RREB1: variants seen among roughly 807,000 people sequenced by gnomAD.
RREB1 encodes ras-responsive element-binding protein 1.
RREB1 carries 27 observed loss-of-function variants against 117.8 expected under a neutral mutation model. The ratio of observed to expected loss-of-function variants is 0.23; its 90% CI spans 0.17 to 0.32. RREB1 has a LOEUF of 0.32. Ranked by LOEUF, RREB1 falls within the 10% of genes least tolerant of loss-of-function variation. The probability of loss-of-function intolerance (pLI) is 1.00; values close to 1 mark genes in which losing one functional copy is unlikely to be tolerated. For synonymous variants in RREB1, 1,298 were observed against 1,026.7 expected, an observed-to-expected ratio of 1.26 and a Z score of -5.05; for missense variants, 2,577 against 2,378.2, an observed-to-expected ratio of 1.08 and a Z score of -1.74.
chr6:7,175,240 C>T (rs930887903), intron 1 of RREB1, among the ~76,000 whole-genome samples: 1 of 152,022 alleles, frequency 6.6e-6, no homozygotes, highest in African/African-American at 2.4e-5. Flanking sequence ...TACAAGAGGG[C>T]AGGTCATGTG....
rs142817419 is a variant in RREB1 at position 7,204,430 on chromosome 6, C to T, written c.426-6374C>T. On this transcript the variant is annotated intron_variant, in intron 6 of 12. Coordinates refer to ENST00000379938, the MANE Select transcript of RREB1 (RefSeq NM_001003699.4). ...CCTAGGCATTTGTTAGGAAAACATA[C>T]ACACATCTTTCTAGAATCATACTTT... 2.3e-3 allele frequency among the ~76,000 whole-genome samples: 347 copies of T among 151,862 alleles called. 6 individuals carry two copies. The highest frequency in any genetic ancestry group is 0.015 in the Admixed American group (230 of 15,228).
chr6:7,149,115 G>A (rs756005108), intron 1 of RREB1, among the ~76,000 whole-genome samples: 20 of 152,250 alleles, frequency 1.3e-4, no homozygotes, highest in Middle Eastern at 3.4e-3. Context: ...TAGAGTCGGG[G>A]TTTCACCATA....
In RREB1 at chr6:7,135,370, T is replaced by TA. The variant is rs138969487; in HGVS notation, c.-285+27312dup. 4.5e-3 allele frequency among the ~76,000 whole-genome samples: 681 copies of TA among 152,334 alleles called. 6 individuals carry two copies. The highest frequency in any genetic ancestry group is 0.017 in the Middle Eastern group (5 of 294). On this transcript the variant is annotated intron_variant, in intron 1 of 12. Transcript: ENST00000379938. ...TAGGACCGTAAATCCAGGGAAATTCTAAGCATTCTGAAAGCTGCTTTTAGG... is the reference window on the plus strand; with the variant it reads ...TAGGACCGTAAATCCAGGGAAATTCTAAAGCATTCTGAAAGCTGCTTTTAGG...
At chr6:7,181,775 C>G (rs993751218) in intron 3 of RREB1, 95 bp from the exon 4 acceptor site, 2 of 865,130 alleles carry the variant, frequency 2.3e-6, no homozygotes, top group African/African-American at 3.4e-5. Flanking sequence ...TGTTTTTGAC[C>G]TGAATTACAA....
intron 6 of RREB1, among the ~76,000 whole-genome samples, chr6:7,203,880 C>T (rs755728195): frequency 2.6e-5 from 4 of 152,132 alleles, no homozygotes; most frequent in African/African-American, 7.2e-5. Context: ...TAGGAATAAA[C>T]GTCAGTATCA....
intron 1 of RREB1, among the ~76,000 whole-genome samples, chr6:7,164,544 C>G (rs17142815): frequency 0.028 from 4,276 of 152,320 alleles, 192 homozygotes; most frequent in African/African-American, 0.096. Context: ...GTCAGGAACT[C>G]TGTCCACTGG....
chr6:7,181,117 C>A lies in RREB1; in HGVS notation c.-165-7C>A. 2.5e-6 allele frequency: 1 copy of A among 398,394 alleles called. No individual in the cohort carries two copies. Among genetic ancestry groups the A allele is most frequent in the South Asian group, 1.3e-4 (1 of 7,832 alleles). 24.7% of individuals were successfully genotyped at this position (398,394 alleles called of 1,614,324 possible). ...ATGTTCACTTTGGGCCTTTGCTTCC[C>A]TTCCAGTGTCAACGAGTACTACCAA... is the stretch of plus-strand genomic sequence containing the variant. On this transcript the variant is annotated splice_region_variant and splice_polypyrimidine_tract_variant and intron_variant, in intron 2 of 12. Coordinates refer to ENST00000379938, the MANE Select transcript of RREB1 (RefSeq NM_001003699.4).
chr6:7,223,199 A>G (rs550413301), intron 8 of RREB1, among the ~76,000 whole-genome samples: 3 of 149,140 alleles, frequency 2.0e-5, no homozygotes, highest in East Asian at 2.0e-4. Context: ...CAAGGCTGCA[A>G]TGAGCTATGA....
intron 8 of RREB1, chr6:7,215,840 C>T (rs535480396): frequency 6.6e-6 from 1 of 152,290 alleles, no homozygotes; most frequent in South Asian, 2.1e-4. Flanking sequence ...CTTGGCTGCA[C>T]CACACCAGCC....
chr6:7,187,545 A>ATTTTC, intron 5 of RREB1, 22 bp downstream of exon 5: 1 of 452,318 alleles, frequency 2.2e-6, no homozygotes, highest in Non-Finnish European at 3.1e-6. Flanking sequence ...CTGTTCTTTT[A>ATTTTC]TTTTATTTTA....
At chr6:7,194,086 T>TCAG (rs1765549822) in intron 6 of RREB1, among the ~76,000 whole-genome samples, 1 of 152,206 alleles carries the variant, frequency 6.6e-6, no homozygotes, top group East Asian at 1.9e-4. Flanking sequence ...TGGGATAGTT[T>TCAG]TGGGGGCAGC....
chr6:7,143,755 C>T (rs540159748), intron 1 of RREB1, among the ~76,000 whole-genome samples: 1 of 152,164 alleles, frequency 6.6e-6, no homozygotes, highest in East Asian at 1.9e-4. Flanking sequence ...TATGAATGCA[C>T]CATTTGTTGT....
chr6:7,203,893 C>T (rs992589244), intron 6 of RREB1, among the ~76,000 whole-genome samples: 4 of 152,186 alleles, frequency 2.6e-5, no homozygotes, highest in African/African-American at 9.7e-5. Context: ...CAGTATCAGC[C>T]GCAAAGCTTG....
intron 6 of RREB1, among the ~76,000 whole-genome samples, chr6:7,207,179 A>G (rs1310173622): frequency 6.6e-6 from 1 of 152,212 alleles, no homozygotes; most frequent in East Asian, 1.9e-4. Context: ...TGAAACATGA[A>G]TCCTTATATA....
chr6:7,177,389 T>C (rs1764558394), intron 2 of RREB1, among the ~76,000 whole-genome samples: 1 of 150,152 alleles, frequency 6.7e-6, no homozygotes, highest in African/African-American at 2.5e-5. Context: ...TCTCCCTCCC[T>C]CCCCTCCAAA....
intron 1 of RREB1, among the ~76,000 whole-genome samples, chr6:7,142,166 G>A (rs1762628157): frequency 1.3e-5 from 2 of 151,660 alleles, no homozygotes; most frequent in Non-Finnish European, 2.9e-5. Context: ...AGTGAGCCGA[G>A]ATCGCGCCAC....
chr6:7,226,753 A>G (rs978816348), intron 9 of RREB1, 97 bp downstream of exon 9: 1 of 955,466 alleles, frequency 1.0e-6, no homozygotes, highest in African/African-American at 1.7e-5. Flanking sequence ...TTCTTTCCTT[A>G]AAATGTCGGT....
At chr6:7,232,136 T>C (rs1313482057) in intron 10 of RREB1, among the ~76,000 whole-genome samples, 3 of 152,214 alleles carry the variant, frequency 2.0e-5, no homozygotes, top group Admixed American at 6.5e-5. Flanking sequence ...GGCAGCATTC[T>C]ACTAAGTGTT....
intron 10 of RREB1, among the ~76,000 whole-genome samples, chr6:7,239,890 G>A (rs954720788): frequency 2.0e-5 from 3 of 152,226 alleles, no homozygotes; most frequent in Admixed American, 6.5e-5. Flanking sequence ...CACTGCTCCC[G>A]TTCCCCTGTG....
Sources: gnomAD v4.1 joint callset for allele counts (sites outside exome capture counted in the v4.1 genomes callset) on GRCh38, gnomAD v4.1.1 for gene constraint, MANE v1.5 for transcripts, NCBI Gene and HGNC (gene_info 2026-07-23, HGNC 2026-07-21) for gene names.